Variants in EPHA3 observed in about 807,000 individuals in gnomAD.
EPHA3 encodes the protein EPH receptor A3.
Under a neutral mutation model 107.1 loss-of-function variants are expected in EPHA3, and 42 were observed. That is an observed-to-expected ratio of 0.39 (90% confidence interval 0.31 to 0.51). The LOEUF (loss-of-function observed/expected upper bound fraction) is 0.51, where lower values mean the gene tolerates loss of function less well. EPHA3 is among the 20% of genes least tolerant of loss of function. The pLI is 0.78. For missense variants in EPHA3, 1,183 were observed against 1,211.2 expected (o/e 0.98, Z 0.35); for synonymous variants, 461 against 424.8 (o/e 1.09, Z -1.05).
At chr3:89,303,096 A>G (rs537454480) in intron 3 of EPHA3, among the ~76,000 whole-genome samples, 7 of 152,006 alleles carry the variant, frequency 4.6e-5, no homozygotes, top group African/African-American at 1.2e-4. Context: ...GGGTTTCACC[A>G]TGTTGCCCAT....
rs368077321 is a variant in EPHA3 at position 89,479,539 on chromosome 3, G to T, written c.*37G>T. ...GAAGTGCTTCTGGACGGAAGTGGTG[G>T]CTGTGGAAGGCGTAGCATCATCCTG... On this transcript the variant is annotated 3_prime_UTR_variant, in exon 17 of 17. Coordinates refer to ENST00000336596, the MANE Select transcript of EPHA3 (RefSeq NM_005233.6). 30 of 1,500,484 alleles carry T rather than the reference G, an allele frequency of 2.0e-5. No homozygotes were observed. In the African/African-American group the frequency reaches 3.4e-4, roughly 17 times the overall value. 92.9% of individuals were successfully genotyped at this position (1,500,484 alleles called of 1,614,324 possible). A position where few individuals can be genotyped will look rare whatever the true frequency, so the allele number is the denominator to read the frequency against.
chr3:89,283,198 CAA>C (rs1331086503), intron 3 of EPHA3, among the ~76,000 whole-genome samples: 1 of 152,008 alleles, frequency 6.6e-6, no homozygotes, highest in Non-Finnish European at 1.5e-5. Flanking sequence ...GAATCAACAG[CAA>C]AGTGAAAAAA....
In EPHA3 at chr3:89,243,405, C is replaced by G. The variant is rs930301424; in HGVS notation, c.814+32885C>G. On this transcript the variant is annotated intron_variant, in intron 3 of 16. Coordinates refer to ENST00000336596, the MANE Select transcript of EPHA3 (RefSeq NM_005233.6). ...AAGTGTTCCTATTTCTCCACATCCT[C>G]TCTAGCACCTGTTGTTTCCTGACTT... is the stretch of plus-strand genomic sequence containing the variant. 2.6e-5 allele frequency among the ~76,000 whole-genome samples: 4 copies of G among 152,148 alleles called. No homozygotes were observed. The South Asian group carries it at 8.3e-4, about 32-fold the overall frequency.
intron 13 of EPHA3, among the ~76,000 whole-genome samples, chr3:89,448,620 G>A (rs182907351): frequency 2.0e-5 from 3 of 152,166 alleles, no homozygotes; most frequent in Admixed American, 1.3e-4. Context: ...TATGGTGCTT[G>A]CCTACTATCC....
chr3:89,444,248 C>T (rs1194287521), intron 13 of EPHA3, among the ~76,000 whole-genome samples: 1 of 152,136 alleles, frequency 6.6e-6, no homozygotes, highest in Non-Finnish European at 1.5e-5. Flanking sequence ...ACTGCTACTA[C>T]TTTTACTAGT....
chr3:89,403,595 C>G (rs1380704751), intron 7 of EPHA3, among the ~76,000 whole-genome samples: 1 of 152,032 alleles, frequency 6.6e-6, no homozygotes, highest in East Asian at 1.9e-4. Flanking sequence ...ACAAGAAGTA[C>G]AGACATTAGG....
chr3:89,116,776 T>G (rs1175067803), intron 1 of EPHA3, among the ~76,000 whole-genome samples: 12 of 151,510 alleles, frequency 7.9e-5, no homozygotes, highest in Admixed American at 7.9e-4. Flanking sequence ...TTAGCCATTC[T>G]TTCAAGCTAT....
intron 5 of EPHA3, among the ~76,000 whole-genome samples, chr3:89,370,521 G>T (rs371373830): frequency 9.2e-5 from 14 of 151,674 alleles, no homozygotes; most frequent in South Asian, 2.1e-4. Flanking sequence ...GTGGGAGGAG[G>T]GGGGAGGGAT....
intron 3 of EPHA3, among the ~76,000 whole-genome samples, chr3:89,223,440 A>G (rs1213094230): frequency 6.6e-6 from 1 of 152,218 alleles, no homozygotes; most frequent in Admixed American, 6.5e-5. Context: ...TTGAGCTGCC[A>G]TAAAGAAATT....
intron 5 of EPHA3, among the ~76,000 whole-genome samples, chr3:89,386,030 A>G (rs1708613957): frequency 6.6e-6 from 1 of 152,180 alleles, no homozygotes; most frequent in South Asian, 2.1e-4. Context: ...CAGAACTCTA[A>G]ACTTGTGAGA....
intron 3 of EPHA3, among the ~76,000 whole-genome samples, chr3:89,213,190 A>G (rs1261038473): frequency 6.6e-6 from 1 of 151,988 alleles, no homozygotes; most frequent in Non-Finnish European, 1.5e-5. Context: ...ATGAGTGTGA[A>G]TGAACTCAGA....
intron 7 of EPHA3, among the ~76,000 whole-genome samples, chr3:89,401,030 T>A (rs1708951769): frequency 6.6e-6 from 1 of 152,186 alleles, no homozygotes; most frequent in Non-Finnish European, 1.5e-5. Flanking sequence ...TTCTAGATAG[T>A]TAGTTCCTGA....
chr3:89,109,913 A>G (rs1472855629), intron 1 of EPHA3, among the ~76,000 whole-genome samples: 3 of 152,022 alleles, frequency 2.0e-5, no homozygotes, highest in African/African-American at 4.8e-5. Context: ...GCTTTAAAAC[A>G]AATTTAAGAT....
intron 1 of EPHA3, among the ~76,000 whole-genome samples, chr3:89,116,112 G>A (rs1367423889): frequency 6.6e-6 from 1 of 152,172 alleles, no homozygotes; most frequent in Non-Finnish European, 1.5e-5. Context: ...GTGGACAGAA[G>A]AGTAGATGAA....
At chr3:89,219,619 A>G (rs1382804987) in intron 3 of EPHA3, among the ~76,000 whole-genome samples, 1 of 149,722 alleles carries the variant, frequency 6.7e-6, no homozygotes, top group Non-Finnish European at 1.5e-5. Flanking sequence ...GGTATTACCT[A>G]TAGAATTCTG....
chr3:89,324,496 T>A (rs1370367161), intron 3 of EPHA3, among the ~76,000 whole-genome samples: 5 of 151,684 alleles, frequency 3.3e-5, no homozygotes, highest in African/African-American at 1.2e-4. Context: ...TAGTTTATTT[T>A]TTTATTTTTT....
chr3:89,211,714 CTCT>C (rs1277971848), intron 3 of EPHA3, among the ~76,000 whole-genome samples: 2 of 148,286 alleles, frequency 1.3e-5, no homozygotes, highest in African/African-American at 2.5e-5. Flanking sequence ...CTTCCTCTTC[CTCT>C]TCTTCTTTTT....
intron 3 of EPHA3, among the ~76,000 whole-genome samples, chr3:89,216,527 A>G (rs1428484272): frequency 1.3e-5 from 2 of 152,120 alleles, no homozygotes; most frequent in African/African-American, 2.4e-5. Flanking sequence ...ATCTGCCATC[A>G]TAATTTACTG....
chr3:89,308,178 T>G (rs563642105), intron 3 of EPHA3, among the ~76,000 whole-genome samples: 91 of 152,244 alleles, frequency 6.0e-4, no homozygotes, highest in African/African-American at 1.9e-3. Flanking sequence ...GATAAAATGG[T>G]ATTAAGTCTC....
Sources: gnomAD v4.1 joint callset for allele counts (sites outside exome capture counted in the v4.1 genomes callset) on GRCh38, gnomAD v4.1.1 for gene constraint, MANE v1.5 for transcripts, NCBI Gene and HGNC (gene_info 2026-07-23, HGNC 2026-07-21) for gene names.